Variants in CEMIP observed in about 807,000 individuals in gnomAD.
CEMIP encodes the protein cell migration inducing hyaluronidase 1, also known as cell migration-inducing and hyaluronan-binding protein.
Under a neutral mutation model 156.9 loss-of-function variants are expected in CEMIP, and 105 were observed. The ratio of observed to expected loss-of-function variants is 0.67; its 90% CI spans 0.57 to 0.79. CEMIP has a LOEUF of 0.79. Among genes scored for constraint, CEMIP ranks in the 30% least tolerant of loss-of-function variants. The probability of loss-of-function intolerance (pLI) is 0.00; values close to 1 mark genes in which losing one functional copy is unlikely to be tolerated. For synonymous variants in CEMIP, 676 were observed against 668.4 expected (o/e 1.01, Z -0.17); for missense variants, 1,457 against 1,769.4 (o/e 0.82, Z 3.17).
At chr15:80,884,108 G>T (rs113902875) in intron 6 of CEMIP, 67 bp from the exon 7 acceptor site, 9 of 1,498,668 alleles carry the variant, frequency 6.0e-6, no homozygotes, top group South Asian at 1.1e-5. Flanking sequence ...GCACAGGCAT[G>T]TGCTTAGAGC....
intron 1 of CEMIP, chr15:80,842,050 A>C (rs1205533280): frequency 1.9e-6 from 1 of 526,940 alleles, no homozygotes; most frequent in Admixed American, 2.0e-5. Flanking sequence ...ATGAGCTCTC[A>C]ATATATTCTT....
chr15:80,937,974 C>T lies in CEMIP; in HGVS notation c.3402C>T (p.Asp1134=). 1.9e-6 allele frequency: 3 copies of T among 1,613,692 alleles called. No individual in the cohort carries two copies. Among genetic ancestry groups the T allele is most frequent in the Non-Finnish European group, 1.7e-6 (2 of 1,179,804 alleles). ...GGAGCCACTACTACTGGGACGAGGA[C>T]TCAGGGTGAGCAGGCGCCCACTTGG... ...PGRSHYYWDE[D]SGLLFLKLKA... The change falls in exon 25 of 30, where the codon GAC becomes GAT. Residue 1134 remains aspartate (D), a synonymous_variant. Transcript: ENST00000394685.
chr15:80,855,667 C>T (rs1897836221), intron 1 of CEMIP, among the ~76,000 whole-genome samples: 1 of 152,130 alleles, frequency 6.6e-6, no homozygotes, highest in Non-Finnish European at 1.5e-5. Flanking sequence ...GGACCATAGG[C>T]ATATGCCACC....
At chr15:80,836,581 G>A (rs556923678) in intron 1 of CEMIP, among the ~76,000 whole-genome samples, 11 of 145,682 alleles carry the variant, frequency 7.6e-5, no homozygotes, top group South Asian at 6.7e-4. Context: ...TTGCCATAGC[G>A]TCCAATCCTA....
Position 80,942,997 on chromosome 15 carries a change from T to C in CEMIP, c.3752T>C (p.Ile1251Thr), listed in dbSNP as rs148207817. The C allele has an allele frequency of 7.0e-5, 113 of 1,614,064 alleles. No individual in the cohort carries two copies. The highest frequency in any genetic ancestry group is 2.0e-4 in the East Asian group (9 of 44,888). The change falls in exon 28 of 30, where the codon ATT becomes ACT. Residue 1251 changes from isoleucine (I) to threonine (T), a missense_variant. Physicochemically the swap from Ile to Thr is moderately conservative, Grantham distance 89. Around this residue, in one of 5 missense-constraint regions of CEMIP, gnomAD observed 798 missense variants for 980.1 expected, o/e 0.81. Coordinates refer to ENST00000394685, the MANE Select transcript of CEMIP (RefSeq NM_001293298.2). ...SSEDGIQVVV[I>T]DGNQGRVVSH... ...GAGGATGGCATCCAGGTGGTGGTGA[T>C]TGACGGGAACCAAGGGCGCGTGGTG...
intron 10 of CEMIP, among the ~76,000 whole-genome samples, chr15:80,889,935 C>T (rs1898979686): frequency 6.6e-6 from 1 of 152,200 alleles, no homozygotes. Flanking sequence ...GCACAGGATG[C>T]AGCTAGGATT....
intron 1 of CEMIP, among the ~76,000 whole-genome samples, chr15:80,837,415 G>T (rs960366631): frequency 5.9e-5 from 9 of 152,198 alleles, no homozygotes; most frequent in African/African-American, 2.2e-4. Context: ...AAGACGCAAA[G>T]AACACCATTC....
rs146159827 is a variant in CEMIP at position 80,868,531 on chromosome 15, G to A, written c.-175-5007G>A. Among the ~76,000 whole-genome samples, 410 of 152,292 alleles carry A rather than the reference G, an allele frequency of 2.7e-3. 2 individuals are homozygous for A. Among genetic ancestry groups the A allele is most frequent in the Admixed American group, 5.8e-3 (89 of 15,300 alleles). On this transcript the variant is annotated intron_variant, in intron 1 of 29. Transcript: ENST00000394685. ...AAGTTTCCTGGGGAAACAGGTGCAC[G>A]CTGAAGTTTGAGAAGTGCTGGCTGT...
Position 80,900,585 on chromosome 15 carries a change from G to GGGGTGTGTGTGTGT in CEMIP, c.1411+4526_1411+4527insGGTGTGTGTGTGTG, listed in dbSNP as rs1218716074. Among the ~76,000 whole-genome samples, 8 of 74,974 alleles carry GGGGTGTGTGTGTGT rather than the reference G, an allele frequency of 1.1e-4. No individual in the cohort carries two copies. The East Asian group carries it at 1.6e-3, about 15-fold the overall frequency. 49.2% of individuals were successfully genotyped at this position (74,974 alleles called of 152,430 possible). On this transcript the variant is annotated intron_variant, in intron 12 of 29. Transcript: ENST00000394685. ...CAGCACCAGAAAAGCCCCAGGTAGG[G>GGGGTGTGTGTGTGT]GTGTGTGTGTGTGTGTGTGTGTGTG... is the stretch of plus-strand genomic sequence containing the variant.
chr15:80,791,063 T>C (rs1246381659), intron 1 of CEMIP, among the ~76,000 whole-genome samples: 1 of 150,518 alleles, frequency 6.6e-6, no homozygotes, highest in Non-Finnish European at 1.5e-5. Context: ...GGCCAGAGAA[T>C]GGAGGGTTAA....
intron 14 of CEMIP, 55 bp downstream of exon 14, chr15:80,909,361 C>T (rs138280521): frequency 8.9e-4 from 1,392 of 1,555,660 alleles, no homozygotes; most frequent in Non-Finnish European, 1.2e-3. Flanking sequence ...ATGGTTAGCA[C>T]TGGAGGGGTG....
At chr15:80,914,862 G>A (rs559182288) in intron 14 of CEMIP, among the ~76,000 whole-genome samples, 185 of 151,966 alleles carry the variant, frequency 1.2e-3, no homozygotes, top group Non-Finnish European at 2.2e-3. Flanking sequence ...TTATTACTCA[G>A]ATCAGTCTCC....
intron 10 of CEMIP, among the ~76,000 whole-genome samples, chr15:80,893,682 C>A (rs184067081): frequency 4.6e-5 from 7 of 152,340 alleles, no homozygotes; most frequent in Non-Finnish European, 8.8e-5. Context: ...CTGGCTGCTG[C>A]AGAGACCACC....
In CEMIP at chr15:80,845,985, A is replaced by G. The variant is rs1410147709; in HGVS notation, c.-175-27553A>G. On this transcript the variant is annotated intron_variant, in intron 1 of 29. Coordinates refer to ENST00000394685, the MANE Select transcript of CEMIP (RefSeq NM_001293298.2). ...CAGCCTGTCCCTGTTCTGGGCACGCATGCCCTCTGCTACATACACTCCCAC... is the reference window on the plus strand; with the variant it reads ...CAGCCTGTCCCTGTTCTGGGCACGCGTGCCCTCTGCTACATACACTCCCAC... 5.9e-5 allele frequency among the ~76,000 whole-genome samples: 9 copies of G among 152,250 alleles called. No homozygotes were observed. In the East Asian group the frequency reaches 1.7e-3, roughly 29 times the overall value.
intron 1 of CEMIP, among the ~76,000 whole-genome samples, chr15:80,791,583 G>A (rs1896083174): frequency 6.6e-6 from 1 of 152,102 alleles, no homozygotes; most frequent in Non-Finnish European, 1.5e-5. Flanking sequence ...CCAAGCCCTT[G>A]AGGAAAATTT....
chr15:80,781,337 T>C (rs756328529), intron 1 of CEMIP, among the ~76,000 whole-genome samples: 2 of 152,142 alleles, frequency 1.3e-5, no homozygotes, highest in Non-Finnish European at 2.9e-5. Flanking sequence ...AACTATGCGG[T>C]TTTCTGATCC....
At chr15:80,945,602 T>A (rs1255829901) in intron 28 of CEMIP, among the ~76,000 whole-genome samples, 2 of 152,184 alleles carry the variant, frequency 1.3e-5, no homozygotes, top group East Asian at 3.9e-4. Context: ...TTCCCATCTA[T>A]CCTTATTTCA....
chr15:80,912,971 C>G (rs1377077431), intron 14 of CEMIP, among the ~76,000 whole-genome samples: 2 of 152,006 alleles, frequency 1.3e-5, no homozygotes, highest in Non-Finnish European at 2.9e-5. Flanking sequence ...AAACAGCATC[C>G]CTGATCTGAA....
At chr15:80,923,943 G>A (rs988537383) in intron 17 of CEMIP, among the ~76,000 whole-genome samples, 5 of 152,216 alleles carry the variant, frequency 3.3e-5, no homozygotes, top group Admixed American at 3.3e-4. Context: ...GCCAGAGGGA[G>A]AATGAAACGG....
Sources: allele counts gnomAD v4.1 joint callset (sites outside exome capture counted in the v4.1 genomes callset), GRCh38; gene constraint gnomAD v4.1.1; regional missense constraint gnomAD v4.1.1; transcripts MANE v1.5; gene names NCBI Gene and HGNC (gene_info 2026-07-23, HGNC 2026-07-21).